Variants in PSMC4 observed in about 807,000 individuals in gnomAD.
PSMC4 encodes 26S proteasome regulatory subunit 6B.
In PSMC4, 13 loss-of-function variants were observed where a neutral mutation model predicts 48.4. The ratio of observed to expected loss-of-function variants is 0.27; its 90% CI spans 0.18 to 0.43. The LOEUF (loss-of-function observed/expected upper bound fraction) is 0.43, where lower values mean the gene tolerates loss of function less well. Ranked by LOEUF, PSMC4 falls within the 20% of genes least tolerant of loss-of-function variation. PSMC4 has a pLI of 1.00. For synonymous variants in PSMC4, 202 were observed against 212.3 expected, an observed-to-expected ratio of 0.95 and a Z score of 0.42; for missense variants, 262 against 555.9, an observed-to-expected ratio of 0.47 and a Z score of 5.32.
Position 39,974,921 on chromosome 19 carries a change from C to A in PSMC4, c.673+93C>A. ...ACTGGCACTGCACAGTAATTAGAAA[C>A]AGACTCTGGGGTCATAGCCCACGTG... is the stretch of plus-strand genomic sequence containing the variant. On this transcript the variant is annotated intron_variant, in intron 6 of 10. Transcript: ENST00000157812. The surrounding 1 kb of genome is among the most constrained non-coding windows in gnomAD (Gnocchi z 5.5). 1 of 1,257,474 alleles carries A rather than the reference C, an allele frequency of 8.0e-7. No homozygotes were observed. The highest frequency in any genetic ancestry group is 1.1e-6 in the Non-Finnish European group (1 of 893,128). The allele number at this position is 1,257,474 out of a possible 1,614,324, so 77.9% of individuals were successfully genotyped here. A position where few individuals can be genotyped will look rare whatever the true frequency, so the allele number is the denominator to read the frequency against.
At position 39,974,272 on chromosome 19, in the gene PSMC4, T is replaced by C; in HGVS notation, c.323-22T>C. The C allele has an allele frequency of 6.2e-7, 1 of 1,612,348 alleles. No individual in the cohort carries two copies. The highest frequency in any genetic ancestry group is 8.5e-7 in the Non-Finnish European group (1 of 1,178,790). ...CAGTTTCCAGGCTGACACTTCTCGT[T>C]TTCCTCTCTCCCTTCTCGCAGGCTC... On this transcript the variant is annotated intron_variant, in intron 3 of 10. Transcript: ENST00000157812. This position sits in a 1 kb window ranked among gnomAD's most constrained non-coding sequence, Gnocchi z 5.5.
rs1358064464 is a variant in PSMC4 at position 39,981,499 on chromosome 19, C to T, written c.*194C>T. 1 of 526,424 alleles carries T rather than the reference C, an allele frequency of 1.9e-6. No homozygotes were observed. The highest frequency in any genetic ancestry group is 3.2e-5 in the Admixed American group (1 of 31,700). The allele number at this position is 526,424 out of a possible 1,614,324, so 32.6% of individuals were successfully genotyped here. A position where few individuals can be genotyped will look rare whatever the true frequency, so the allele number is the denominator to read the frequency against. On this transcript the variant is annotated 3_prime_UTR_variant, in exon 11 of 11. Coordinates refer to ENST00000157812, the MANE Select transcript of PSMC4 (RefSeq NM_006503.4). Reference sequence around the variant, plus strand: ...GAGAATGTGGGCCTTGAATAGGATCCTCTGGGTCCCTCTTAATCTGACAGA... The same window carrying T: ...GAGAATGTGGGCCTTGAATAGGATCTTCTGGGTCCCTCTTAATCTGACAGA...
At chr19:39,972,646 C>A in intron 3 of PSMC4, 91 bp downstream of exon 3, 2 of 1,126,572 alleles carry the variant, frequency 1.8e-6, no homozygotes, top group Admixed American at 2.5e-5. Context: ...CAGGGCAGTG[C>A]AGTGCAATGT....
At position 39,979,857 on chromosome 19, in the gene PSMC4, G is replaced by A; in HGVS notation, c.714G>A (p.Lys238=). The change falls in exon 7 of 11, where the codon AAG becomes AAA. Residue 238 remains lysine, a synonymous_variant. Transcript: ENST00000157812. Reference sequence around the variant, plus strand: ...TCGTGGGCTCGGAGTTTGTACAGAAGTATCTGGGTGAGGGCCCCCGCATGG... The same window carrying A: ...TCGTGGGCTCGGAGTTTGTACAGAAATATCTGGGTGAGGGCCCCCGCATGG... ...IRVVGSEFVQ[K]YLGEGPRMVR... 2 of 1,614,132 alleles carry A rather than the reference G, an allele frequency of 1.2e-6. No individual in the cohort carries two copies. Among genetic ancestry groups the A allele is most frequent in the Non-Finnish European group, 1.7e-6 (2 of 1,180,020 alleles).
Position 39,972,200 on chromosome 19 carries a change from G to A in PSMC4, c.91G>A (p.Gly31Ser), listed in dbSNP as rs1282080774. ...SRPQTGLSFL[G>S]PEPEDLEDLY... ...GCCCCAGACCGGCCTGTCCTTCCTG[G>A]GCCCTGAGCCTGAGGACCTGGAGGA... The change falls in exon 2 of 11, where the codon GGC (glycine) becomes AGC (serine). Residue 31 changes from glycine (G) to serine (S), a missense_variant. This residue lies in a region of PSMC4 where 131 missense variants were observed against 276.7 expected (regional missense o/e 0.47). Transcript: ENST00000157812. 6.2e-7 allele frequency: 1 copy of A among 1,614,104 alleles called. No homozygotes were observed. The highest frequency in any genetic ancestry group is 1.7e-5 in the Admixed American group (1 of 60,014).
At chr19:39,973,134 T>G (rs1195141111) in intron 3 of PSMC4, among the ~76,000 whole-genome samples, 2 of 152,220 alleles carry the variant, frequency 1.3e-5, no homozygotes, top group Admixed American at 6.5e-5. Flanking sequence ...CATGAAATAT[T>G]TAGCCTTACT....
Position 39,981,514 on chromosome 19 carries a change from A to G in PSMC4, c.*209A>G. The stretch of plus-strand genomic sequence containing the variant: ...GAATAGGATCCTCTGGGTCCCTCTT[A>G]ATCTGACAGATGAGCAGACGAGGTG... On this transcript the variant is annotated 3_prime_UTR_variant, in exon 11 of 11. Coordinates refer to ENST00000157812, the MANE Select transcript of PSMC4 (RefSeq NM_006503.4). The G allele has an allele frequency of 2.2e-5, 11 of 496,916 alleles. No individual in the cohort carries two copies. The highest frequency in any genetic ancestry group is 3.7e-6 in the Non-Finnish European group (1 of 273,880). The allele number at this position is 496,916 out of a possible 1,614,324, so 30.8% of individuals were successfully genotyped here.
intron 6 of PSMC4, among the ~76,000 whole-genome samples, chr19:39,976,401 CAAAAAAAAAA>C (rs757355957): frequency 1.5e-4 from 7 of 45,186 alleles, no homozygotes; most frequent in Admixed American, 9.7e-4. Context: ...GACTCCGTCT[CAAAAAAAAAA>C]AAAAAAAAAA....
Position 39,980,297 on chromosome 19 carries a change from C to G in PSMC4, c.930C>G (p.Ala310=). 1 of 1,613,910 alleles carries G rather than the reference C, an allele frequency of 6.2e-7. No homozygotes were observed. Among genetic ancestry groups the G allele is most frequent in the African/African-American group, 1.3e-5 (1 of 74,994 alleles). ...CCCCCCAATGTCAGGTAATCATGGC[C>G]ACAAACAGAGCAGACACCCTGGATC... The part of the protein sequence containing the change: ...DQNVNVKVIM[A]TNRADTLDPA... Residue 310 remains alanine (A), a synonymous_variant, in exon 9 of 11, where the codon GCC becomes GCG. Coordinates refer to ENST00000157812, the MANE Select transcript of PSMC4 (RefSeq NM_006503.4). This position sits in a 1 kb window ranked among gnomAD's most constrained non-coding sequence, Gnocchi z 4.8.
chr19:39,980,468 G>A lies in PSMC4; in HGVS notation c.1087+14G>A. On this transcript the variant is annotated intron_variant, in intron 9 of 10. Coordinates refer to ENST00000157812, the MANE Select transcript of PSMC4 (RefSeq NM_006503.4). This position sits in a 1 kb window ranked among gnomAD's most constrained non-coding sequence, Gnocchi z 4.8. ...ACTTGGAAGACTGTATCCTGCTCCA[G>A]AAGTCAGGGAGGGGCCCTAGTTGGG... The A allele has an allele frequency of 6.2e-7, 1 of 1,613,632 alleles. No homozygotes were observed. Among genetic ancestry groups the A allele is most frequent in the Middle Eastern group, 1.6e-4 (1 of 6,062 alleles).
chr19:39,973,536 T>C (rs1369659766), intron 3 of PSMC4, among the ~76,000 whole-genome samples: 2 of 140,590 alleles, frequency 1.4e-5, no homozygotes, highest in South Asian at 2.2e-4. Context: ...TGAGCCGAGA[T>C]CGTGACACTG....
chr19:39,977,783 T>C lies in PSMC4; in HGVS notation c.674-2034T>C, dbSNP rs1363756610. ...GTTGCAGTGAGCGAAGATCGCACCA[T>C]TGCACTCCAGCCCGGCCAATAGTGC... On this transcript the variant is annotated intron_variant, in intron 6 of 10. Transcript: ENST00000157812. 3.3e-5 allele frequency among the ~76,000 whole-genome samples: 5 copies of C among 151,132 alleles called. No homozygotes were observed. The East Asian group carries it at 1.0e-3, about 30-fold the overall frequency.
chr19:39,981,271 A>G lies in PSMC4; in HGVS notation c.1223A>G (p.Lys408Arg). The G allele has an allele frequency of 6.2e-7, 1 of 1,614,116 alleles. No individual in the cohort carries two copies. The highest frequency in any genetic ancestry group is 8.5e-7 in the Non-Finnish European group (1 of 1,179,990). Residue 408 changes from lysine (K) to arginine (R), a missense_variant, in exon 11 of 11, where the codon AAG becomes AGG. Transcript: ENST00000157812. The stretch of plus-strand genomic sequence containing the variant: ...GAGAAAGCATACAAGACTGTCATCA[A>G]GAAGGACGAGCAGGAGCATGAGTTT... ...DFEKAYKTVI[K>R]KDEQEHEFYK
At chr19:39,981,170 T>G (rs1971281377) in intron 10 of PSMC4, 22 bp from the exon 11 acceptor site, 1 of 1,595,734 alleles carries the variant, frequency 6.3e-7, no homozygotes, top group South Asian at 1.1e-5. Context: ...GGAAGTAGAT[T>G]TTAACTCTCA....
chr19:39,980,256 G>T lies in PSMC4; in HGVS notation c.919-30G>T. On this transcript the variant is annotated intron_variant, in intron 8 of 10. Transcript: ENST00000157812. The surrounding 1 kb of genome is among the most constrained non-coding windows in gnomAD (Gnocchi z 4.8). Reference sequence around the variant, plus strand: ...GACAGGAAGGAGGTAGGAGTGCAGAGATCTGAGCTGGCCTGCCCCCCAATG... The same window carrying T: ...GACAGGAAGGAGGTAGGAGTGCAGATATCTGAGCTGGCCTGCCCCCCAATG... 6.2e-7 allele frequency: 1 copy of T among 1,613,750 alleles called. No individual in the cohort carries two copies. The highest frequency in any genetic ancestry group is 8.5e-7 in the Non-Finnish European group (1 of 1,179,876).
intron 6 of PSMC4, among the ~76,000 whole-genome samples, chr19:39,976,671 G>C (rs1971204950): frequency 6.6e-6 from 1 of 151,048 alleles, no homozygotes; most frequent in Non-Finnish European, 1.5e-5. Flanking sequence ...ACCACGCCCG[G>C]CTAATTTTTT....
At position 39,972,366 on chromosome 19, in the gene PSMC4, C is replaced by T. The variant is rs755182150; in HGVS notation, c.136-3C>T. On this transcript the variant is annotated splice_polypyrimidine_tract_variant and splice_region_variant and intron_variant, in intron 2 of 10. Coordinates refer to ENST00000157812, the MANE Select transcript of PSMC4 (RefSeq NM_006503.4). ...TCCCCTTCTGTCCCCTCTCTGCTCG[C>T]AGAAGCTGCAGCAAGAGCTGGAGTT... is the stretch of plus-strand genomic sequence containing the variant. The T allele has an allele frequency of 6.2e-7, 1 of 1,613,502 alleles. No individual in the cohort carries two copies. The highest frequency in any genetic ancestry group is 8.5e-7 in the Non-Finnish European group (1 of 1,179,518).
intron 6 of PSMC4, among the ~76,000 whole-genome samples, chr19:39,978,677 C>T (rs1400663599): frequency 6.6e-6 from 1 of 152,048 alleles, no homozygotes; most frequent in Non-Finnish European, 1.5e-5. Flanking sequence ...ATGCTTCATA[C>T]AACACAAAGC....
chr19:39,975,127 A>T (rs1971176851), intron 6 of PSMC4, among the ~76,000 whole-genome samples: 1 of 152,212 alleles, frequency 6.6e-6, no homozygotes, highest in African/African-American at 2.4e-5. Flanking sequence ...TTGAAACATG[A>T]AATAGAACAG....
Sources: gnomAD v4.1 joint callset for allele counts (sites outside exome capture counted in the v4.1 genomes callset) on GRCh38, gnomAD v4.1.1 for gene constraint, gnomAD v4.1.1 regional missense constraint, Gnocchi (gnomAD v3.1) non-coding constraint, MANE v1.5 for transcripts, NCBI Gene and HGNC (gene_info 2026-07-23, HGNC 2026-07-21) for gene names.